PSMD7: variants seen among roughly 807,000 people sequenced by gnomAD.
PSMD7 encodes the protein 26S proteasome non-ATPase regulatory subunit 7.
Under a neutral mutation model 36.4 loss-of-function variants are expected in PSMD7, and 13 were observed. The ratio of observed to expected loss-of-function variants is 0.36; its 90% CI spans 0.23 to 0.57. PSMD7 has a LOEUF of 0.57. PSMD7 is among the 20% of genes least tolerant of loss of function. The probability of loss-of-function intolerance (pLI) is 0.83; values close to 1 mark genes in which losing one functional copy is unlikely to be tolerated. For synonymous variants in PSMD7, 186 were observed against 151.0 expected (o/e 1.23, Z -1.70); for missense variants, 298 against 393.6 (o/e 0.76, Z 2.06).
Position 74,301,487 on chromosome 16 carries a change from T to C in PSMD7, c.260-68T>C, listed in dbSNP as rs1489292675. The C allele has an allele frequency of 1.1e-5, 13 of 1,187,874 alleles. 1 individual carries two copies. The highest frequency in any genetic ancestry group is 2.1e-4 in the Middle Eastern group (1 of 4,758). 73.6% of individuals were successfully genotyped at this position (1,187,874 alleles called of 1,614,324 possible). ...AAGGACATAACTACTGATGTTCTTA[T>C]CCTTTTTGAGGGAGTTGTATAGATC... On this transcript the variant is annotated intron_variant, in intron 3 of 6. Coordinates refer to ENST00000219313, the MANE Select transcript of PSMD7 (RefSeq NM_002811.5).
At chr16:74,297,614 A>G (rs923074598) in intron 1 of PSMD7, among the ~76,000 whole-genome samples, 2 of 150,524 alleles carry the variant, frequency 1.3e-5, no homozygotes, top group African/African-American at 2.5e-5. Context: ...TCACCGAAAT[A>G]TGGATGATGC....
intron 5 of PSMD7, 129 bp from the exon 6 acceptor site, chr16:74,304,174 C>A: frequency 1.3e-6 from 1 of 747,608 alleles, no homozygotes; most frequent in Non-Finnish European, 2.3e-6. Context: ...CCACCCTTGC[C>A]ATAGAAAATT....
At chr16:74,300,656 TAAA>T (rs2034148660) in intron 2 of PSMD7, among the ~76,000 whole-genome samples, 1 of 152,148 alleles carries the variant, frequency 6.6e-6, no homozygotes, top group Non-Finnish European at 1.5e-5. Flanking sequence ...GGAACAACAA[TAAA>T]GAAGATGATA....
chr16:74,300,118 C>T lies in PSMD7; in HGVS notation c.78C>T (p.Ile26=), dbSNP rs140080000. ...GACCATCTGTTTTCTCATTCAGAAT[C>T]GGCAAGGTTGGAAACCAGAAGCGTG... ...LLSVVDHFNR[I]GKVGNQKRVV... is the part of the protein sequence containing the mutation. The change falls in exon 2 of 7, where the codon ATC becomes ATT. Residue 26 remains isoleucine, a synonymous_variant. Transcript: ENST00000219313. The T allele has an allele frequency of 1.8e-3, 2,938 of 1,613,998 alleles. 13 individuals are homozygous for T. The highest frequency in any genetic ancestry group is 3.1e-3 in the South Asian group (280 of 91,066).
At chr16:74,304,479 G>A in intron 6 of PSMD7, 85 bp downstream of exon 6, 1 of 1,253,068 alleles carries the variant, frequency 8.0e-7, no homozygotes, top group Non-Finnish European at 1.1e-6. Flanking sequence ...GGAATATGGA[G>A]ACCTGGGGTC....
Position 74,305,758 on chromosome 16 carries a change from A to C in PSMD7, c.*25A>C, listed in dbSNP as rs766601346. On this transcript the variant is annotated 3_prime_UTR_variant, in exon 7 of 7. Transcript: ENST00000219313. ...AAACATGTATTAAATAGCTTTTTTA[A>C]TTTGTAAATTAAAATCTTACAAACT... is the stretch of plus-strand genomic sequence containing the variant. 83 of 1,410,326 alleles carry C rather than the reference A, an allele frequency of 5.9e-5. No homozygotes were observed. Among genetic ancestry groups the C allele is most frequent in the Non-Finnish European group, 6.6e-5 (71 of 1,080,812 alleles). 87.4% of individuals were successfully genotyped at this position (1,410,326 alleles called of 1,614,324 possible). A position where few individuals can be genotyped will look rare whatever the true frequency, so the allele number is the denominator to read the frequency against.
rs1212310232 is a variant in PSMD7, at chr16:74,305,690, A to AAAAG, written c.934_937dup (p.Ser313LysfsTer3). On this transcript the variant is annotated frameshift_variant, in exon 7 of 7. Transcript: ENST00000219313. LOFTEE classifies it high-confidence loss of function. ...GACAAGGAGAAAGATAAAGATAAGG[A>AAAAG]AAAGAGTGATGTAAAGAAAGAGGAG... is the stretch of plus-strand genomic sequence containing the variant. 1 of 1,492,888 alleles carries AAAAG rather than the reference A, an allele frequency of 6.7e-7. No individual in the cohort carries two copies. The highest frequency in any genetic ancestry group is 2.4e-5 in the Admixed American group (1 of 41,520). 92.5% of individuals were successfully genotyped at this position (1,492,888 alleles called of 1,614,324 possible). A position where few individuals can be genotyped will look rare whatever the true frequency, so the allele number is the denominator to read the frequency against.
chr16:74,301,188 G>C, intron 3 of PSMD7, 44 bp downstream of exon 3: 1 of 1,327,812 alleles, frequency 7.5e-7, no homozygotes, highest in Non-Finnish European at 1.1e-6. Context: ...GAATTGAACT[G>C]TGTGTATGGG....
chr16:74,296,947 C>A lies in PSMD7; in HGVS notation c.33C>A (p.Val11=). ...AGCTGGCAGTGCAGAAGGTGGTGGTCCACCCCCTGGTGCTGCTCAGTGTGG... is the reference window on the plus strand; with the variant it reads ...AGCTGGCAGTGCAGAAGGTGGTGGTACACCCCCTGGTGCTGCTCAGTGTGG... MPELAVQKVV[V]HPLVLLSVVD... is the part of the protein sequence containing the mutation. The change falls in exon 1 of 7, where the codon GTC becomes GTA. Residue 11 remains valine, a synonymous_variant. Coordinates refer to ENST00000219313, the MANE Select transcript of PSMD7 (RefSeq NM_002811.5). 1 of 1,613,422 alleles carries A rather than the reference C, an allele frequency of 6.2e-7. No individual in the cohort carries two copies.
At chr16:74,299,540 C>G (rs1433348248) in intron 1 of PSMD7, 1 of 455,340 alleles carries the variant, frequency 2.2e-6, no homozygotes, top group African/African-American at 2.0e-5. Context: ...CACATCCCCA[C>G]TATGCCCGGC....
In PSMD7 at chr16:74,305,569, G is replaced by A. The variant is rs1318442686; in HGVS notation, c.811G>A (p.Ala271Thr). ...YLASLIRSVV[A>T]LHNLINNKIA... The stretch of plus-strand genomic sequence containing the variant: ...GGCCTCGCTGATCCGTTCCGTGGTC[G>A]CCCTGCACAACCTCATCAACAACAA... Residue 271 changes from alanine (A) to threonine (T), a missense_variant, in exon 7 of 7, where the codon GCC (alanine) becomes ACC (threonine). By Grantham distance (58) the Ala-to-Thr change is moderately conservative. Transcript: ENST00000219313. 9 of 1,611,420 alleles carry A rather than the reference G, an allele frequency of 5.6e-6. No homozygotes were observed. Among genetic ancestry groups the A allele is most frequent in the Non-Finnish European group, 6.8e-6 (8 of 1,177,842 alleles).
In PSMD7 at chr16:74,304,405, A is replaced by G; in HGVS notation, c.530+11A>G. 6.2e-7 allele frequency: 1 copy of G among 1,607,228 alleles called. No homozygotes were observed. The highest frequency in any genetic ancestry group is 8.5e-7 in the Non-Finnish European group (1 of 1,173,886). On this transcript the variant is annotated intron_variant, in intron 6 of 6. Coordinates refer to ENST00000219313, the MANE Select transcript of PSMD7 (RefSeq NM_002811.5). ...TGAACACTTGTTACGGTGAGACCCT[A>G]GTACAGCATCAAAATCATTCACTGC...
chr16:74,301,535 C>T lies in PSMD7; in HGVS notation c.260-20C>T. 1 of 1,553,258 alleles carries T rather than the reference C, an allele frequency of 6.4e-7. No individual in the cohort carries two copies. Among genetic ancestry groups the T allele is most frequent in the Non-Finnish European group, 8.9e-7 (1 of 1,126,432 alleles). ...ATCTTCATGAAATAGTTAAAGCCTG[C>T]TAATTTTTTTCCTTCCTAGCCAGGG... is the stretch of plus-strand genomic sequence containing the variant. On this transcript the variant is annotated intron_variant, in intron 3 of 6. Coordinates refer to ENST00000219313, the MANE Select transcript of PSMD7 (RefSeq NM_002811.5).
In PSMD7 at chr16:74,305,778, C is replaced by T; in HGVS notation, c.*45C>T. ...TTTTAATTTGTAAATTAAAATCTTA[C>T]AAACTAAATCAGTGTGCTGCTAGAG... is the stretch of plus-strand genomic sequence containing the variant. On this transcript the variant is annotated 3_prime_UTR_variant, in exon 7 of 7. Coordinates refer to ENST00000219313, the MANE Select transcript of PSMD7 (RefSeq NM_002811.5). The T allele has an allele frequency of 7.1e-7, 1 of 1,407,658 alleles. No individual in the cohort carries two copies. The highest frequency in any genetic ancestry group is 1.7e-5 in the South Asian group (1 of 59,124). The allele number at this position is 1,407,658 out of a possible 1,614,324, so 87.2% of individuals were successfully genotyped here. A position where few individuals can be genotyped will look rare whatever the true frequency, so the allele number is the denominator to read the frequency against.
At chr16:74,302,350 T>G in intron 5 of PSMD7, 58 bp downstream of exon 5, 2 of 1,141,898 alleles carry the variant, frequency 1.8e-6, no homozygotes, top group East Asian at 2.7e-5. Context: ...GGTGATTAGC[T>G]TTTTTTTTTC....
chr16:74,301,665 T>G lies in PSMD7; in HGVS notation c.357+13T>G, dbSNP rs778457324. The G allele has an allele frequency of 6.3e-7, 1 of 1,595,466 alleles. No individual in the cohort carries two copies. The highest frequency in any genetic ancestry group is 1.7e-5 in the Admixed American group (1 of 58,970). ...CTGTCCTAATTCCGTAAGTGGTGTCTATTTTTAAAACTCTTGAATGATTTT... is the reference window on the plus strand; with the variant it reads ...CTGTCCTAATTCCGTAAGTGGTGTCGATTTTTAAAACTCTTGAATGATTTT... On this transcript the variant is annotated intron_variant, in intron 4 of 6. Transcript: ENST00000219313.
At chr16:74,300,586 C>T (rs537872505) in intron 2 of PSMD7, 1 of 264,114 alleles carries the variant, frequency 3.8e-6, no homozygotes, top group Non-Finnish European at 7.3e-6. Context: ...AGATGGGGAA[C>T]TTTACCCCTT....
chr16:74,303,706 C>T (rs1016219098), intron 5 of PSMD7, among the ~76,000 whole-genome samples: 8 of 151,986 alleles, frequency 5.3e-5, no homozygotes, highest in African/African-American at 1.9e-4. Context: ...TGTATATTGT[C>T]CATTCTAGAA....
chr16:74,297,080 GGACGCAGATAGGGCGGCTGGT>G lies in PSMD7; in HGVS notation c.74+96_74+116del, dbSNP rs1204015219. ...GGCGCGGCGGCCGCGGACGAGCTGG[GGACGCAGATAGGGCGGCTGGT>G]GACCCTTACTTGTTCACGAGTCCAG... is the stretch of plus-strand genomic sequence containing the variant. On this transcript the variant is annotated intron_variant, in intron 1 of 6. Coordinates refer to ENST00000219313, the MANE Select transcript of PSMD7 (RefSeq NM_002811.5). 2.9e-6 allele frequency: 4 copies of G among 1,383,728 alleles called. No individual in the cohort carries two copies. In the African/African-American group the frequency reaches 5.7e-5, roughly 20 times the overall value. 85.7% of individuals were successfully genotyped at this position (1,383,728 alleles called of 1,614,324 possible).
Sources: allele counts gnomAD v4.1 joint callset (sites outside exome capture counted in the v4.1 genomes callset), GRCh38; gene constraint gnomAD v4.1.1; transcripts MANE v1.5; gene names NCBI Gene and HGNC (gene_info 2026-07-23, HGNC 2026-07-21).